The following ME3 variants were observed in gnomAD, a reference collection of about 807,000 sequenced individuals.
ME3 encodes the protein NADP-dependent malic enzyme, mitochondrial.
A neutral mutation model predicts 68.9 loss-of-function variants in ME3; 48 were observed. That is an observed-to-expected ratio of 0.70 (90% CI 0.55 to 0.89). ME3 has a LOEUF of 0.89. ME3 is among the 40% of genes least tolerant of loss of function. ME3 has a pLI of 0.00. For missense variants in ME3, 675 were observed against 797.4 expected, an observed-to-expected ratio of 0.85 and a Z score of 1.85; for synonymous variants, 320 against 318.8, an observed-to-expected ratio of 1.00 and a Z score of -0.04.
At chr11:86,504,151 C>G (rs35870909) in intron 5 of ME3, among the ~76,000 whole-genome samples, 6 of 152,094 alleles carry the variant, frequency 3.9e-5, no homozygotes, top group African/African-American at 1.4e-4. Context: ...TTTTTACTTT[C>G]TGAGTTGATT....
At chr11:86,644,112 C>T (rs199664298) in intron 2 of ME3, among the ~76,000 whole-genome samples, 36 of 152,256 alleles carry the variant, frequency 2.4e-4, no homozygotes, top group Admixed American at 1.8e-3. Flanking sequence ...GGGCAGAGAG[C>T]GGAACATACA....
At chr11:86,599,919 A>G (rs4291697) in intron 2 of ME3, among the ~76,000 whole-genome samples, 128,847 of 151,954 alleles carry the variant, frequency 0.85, 54,818 homozygotes, top group Middle Eastern at 0.89. Flanking sequence ...GTCACCACCA[A>G]GCCTGCCCTA....
At chr11:86,494,346 T>C (rs1952182364) in intron 6 of ME3, among the ~76,000 whole-genome samples, 1 of 152,166 alleles carries the variant, frequency 6.6e-6, no homozygotes, top group African/African-American at 2.4e-5. Flanking sequence ...CTTGGAGCAG[T>C]GCACCACAGT....
chr11:86,671,091 T>C (rs930651396), intron 2 of ME3, among the ~76,000 whole-genome samples: 5 of 152,222 alleles, frequency 3.3e-5, no homozygotes, highest in Admixed American at 1.3e-4. Flanking sequence ...GACCAAAGCA[T>C]TGGAGATCTG....
At chr11:86,455,016 CTA>C (rs1194651091) in intron 8 of ME3, among the ~76,000 whole-genome samples, 1 of 152,248 alleles carries the variant, frequency 6.6e-6, no homozygotes, top group Non-Finnish European at 1.5e-5. Flanking sequence ...AGGCGGGACT[CTA>C]TGCAGGATCA....
At chr11:86,632,857 C>CT (rs1048837179) in intron 2 of ME3, among the ~76,000 whole-genome samples, 8 of 152,188 alleles carry the variant, frequency 5.3e-5, no homozygotes, top group Admixed American at 5.2e-4. Flanking sequence ...GCCCCAGGCC[C>CT]TGGGGCAGGG....
chr11:86,528,644 A>T (rs1240908013), intron 4 of ME3, among the ~76,000 whole-genome samples: 1 of 152,170 alleles, frequency 6.6e-6, no homozygotes, highest in East Asian at 1.9e-4. Context: ...AACAGAAATT[A>T]TAACAAACTG....
chr11:86,652,170 G>A (rs1398322478), intron 2 of ME3, among the ~76,000 whole-genome samples: 1 of 152,186 alleles, frequency 6.6e-6, no homozygotes, highest in Non-Finnish European at 1.5e-5. Flanking sequence ...AAAACACTCT[G>A]CAGGATATTA....
intron 4 of ME3, among the ~76,000 whole-genome samples, chr11:86,527,538 C>A (rs566809920): frequency 6.4e-4 from 98 of 152,218 alleles, no homozygotes; most frequent in African/African-American, 2.3e-3. Flanking sequence ...AAGAGCAACT[C>A]CAAGACACAT....
intron 6 of ME3, among the ~76,000 whole-genome samples, chr11:86,491,117 A>C (rs912756099): frequency 6.6e-6 from 1 of 152,230 alleles, no homozygotes; most frequent in Non-Finnish European, 1.5e-5. Context: ...TAAAAAATAG[A>C]TTCTTATGTT....
At chr11:86,534,500 C>T (rs1955508699) in intron 4 of ME3, among the ~76,000 whole-genome samples, 1 of 151,996 alleles carries the variant, frequency 6.6e-6, no homozygotes, top group South Asian at 2.1e-4. Flanking sequence ...CGTGGCAAAA[C>T]CCCTCCTCTA....
intron 7 of ME3, among the ~76,000 whole-genome samples, chr11:86,470,425 A>G (rs1226767399): frequency 2.2e-5 from 3 of 133,778 alleles, no homozygotes; most frequent in Non-Finnish European, 3.3e-5. Flanking sequence ...ACAGAATCAT[A>G]AAAACTCTTG....
chr11:86,521,278 C>T (rs1954258676), intron 4 of ME3, among the ~76,000 whole-genome samples: 1 of 151,978 alleles, frequency 6.6e-6, no homozygotes, highest in South Asian at 2.1e-4. Context: ...GCCTGTAGTC[C>T]CAGCTACTTC....
At chr11:86,570,874 G>T (rs962582340) in intron 2 of ME3, among the ~76,000 whole-genome samples, 1 of 152,166 alleles carries the variant, frequency 6.6e-6, no homozygotes. Context: ...CAGCATGGGG[G>T]AGTGGGAAGG....
chr11:86,555,052 C>T (rs1956862545), intron 4 of ME3, among the ~76,000 whole-genome samples: 1 of 152,050 alleles, frequency 6.6e-6, no homozygotes, highest in Non-Finnish European at 1.5e-5. Context: ...GAAGGATAAC[C>T]AGAATTGTGA....
intron 6 of ME3, 113 bp from the exon 7 acceptor site, chr11:86,487,553 G>C (rs1043974157): frequency 8.8e-6 from 7 of 796,716 alleles, no homozygotes; most frequent in Middle Eastern, 2.4e-4. Context: ...GGAGAGGGGG[G>C]AGTAAGAAGG....
chr11:86,506,129 A>G (rs1487015897), intron 5 of ME3, among the ~76,000 whole-genome samples: 2 of 152,172 alleles, frequency 1.3e-5, no homozygotes, highest in African/African-American at 4.8e-5. Flanking sequence ...TGAATTCACT[A>G]TCATGGTCCC....
intron 2 of ME3, among the ~76,000 whole-genome samples, chr11:86,648,004 G>A (rs1388597996): frequency 4.6e-5 from 7 of 152,066 alleles, no homozygotes. Context: ...CCACATAATT[G>A]GAAGTAAAAT....
intron 2 of ME3, among the ~76,000 whole-genome samples, chr11:86,615,439 G>T (rs986103293): frequency 6.6e-6 from 1 of 152,138 alleles, no homozygotes; most frequent in Non-Finnish European, 1.5e-5. Context: ...GAGAAACAGA[G>T]AATTAAGTTA....
Sources: gnomAD v4.1 joint callset for allele counts (sites outside exome capture counted in the v4.1 genomes callset) on GRCh38, gnomAD v4.1.1 for gene constraint, MANE v1.5 for transcripts, NCBI Gene and HGNC (gene_info 2026-07-23, HGNC 2026-07-21) for gene names.